Variants in PCSK2 observed in about 807,000 individuals in gnomAD.
PCSK2 encodes the protein proprotein convertase subtilisin/kexin type 2, also known as neuroendocrine convertase 2.
In PCSK2, 14 loss-of-function variants were observed where a neutral mutation model predicts 69.7. The ratio of observed to expected loss-of-function variants is 0.20; its 90% CI spans 0.13 to 0.31. The LOEUF (loss-of-function observed/expected upper bound fraction) is 0.31. PCSK2 is among the 10% of genes least tolerant of loss of function. The probability of loss-of-function intolerance (pLI) is 1.00; values close to 1 mark genes in which losing one functional copy is unlikely to be tolerated. For missense variants in PCSK2, 544 were observed against 842.5 expected (o/e 0.65, Z 4.39); for synonymous variants, 307 against 320.7 (o/e 0.96, Z 0.46).
chr20:17,361,090 A>G (rs1484155046), intron 4 of PCSK2, among the ~76,000 whole-genome samples: 1 of 152,172 alleles, frequency 6.6e-6, no homozygotes, highest in Non-Finnish European at 1.5e-5. Flanking sequence ...CCTCAATCAC[A>G]CTAGCCTCAA....
chr20:17,256,853 T>C (rs1010065924), intron 1 of PCSK2, among the ~76,000 whole-genome samples: 2 of 152,166 alleles, frequency 1.3e-5, no homozygotes, highest in Non-Finnish European at 2.9e-5. Flanking sequence ...CTCCCACTTA[T>C]GAGTAAAAAC....
At chr20:17,409,999 A>T (rs982284111) in intron 6 of PCSK2, among the ~76,000 whole-genome samples, 4 of 152,216 alleles carry the variant, frequency 2.6e-5, no homozygotes, top group Non-Finnish European at 5.9e-5. Flanking sequence ...GGTTTGCTCA[A>T]TGAAAGAATA....
intron 11 of PCSK2, among the ~76,000 whole-genome samples, chr20:17,469,584 G>A (rs2033165977): frequency 6.6e-6 from 1 of 152,050 alleles, no homozygotes; most frequent in South Asian, 2.1e-4. Flanking sequence ...ACAAAGGGCA[G>A]AGCAGGACTT....
intron 2 of PCSK2, among the ~76,000 whole-genome samples, chr20:17,264,908 G>T (rs1468986724): frequency 2.0e-5 from 3 of 151,852 alleles, no homozygotes; most frequent in African/African-American, 7.3e-5. Flanking sequence ...CTGTTGCCCA[G>T]GCTGGAGTGC....
At chr20:17,264,740 T>C (rs945600326) in intron 2 of PCSK2, among the ~76,000 whole-genome samples, 3 of 138,400 alleles carry the variant, frequency 2.2e-5, no homozygotes, top group Non-Finnish European at 5.0e-5. Flanking sequence ...GTGTGTATTG[T>C]GGCCAAACTC....
chr20:17,474,502 C>G (rs1260269388), intron 11 of PCSK2, among the ~76,000 whole-genome samples: 1 of 152,214 alleles, frequency 6.6e-6, no homozygotes, highest in African/African-American at 2.4e-5. Flanking sequence ...CAAATGCACA[C>G]CACTCACTCT....
At chr20:17,465,086 A>G (rs1211492636) in intron 10 of PCSK2, 2 of 552,022 alleles carry the variant, frequency 3.6e-6, no homozygotes, top group Non-Finnish European at 6.5e-6. Context: ...GTGTGTTAGA[A>G]TAGACTTTTG....
intron 1 of PCSK2, among the ~76,000 whole-genome samples, chr20:17,255,402 C>T (rs999185576): frequency 2.1e-4 from 32 of 151,296 alleles, no homozygotes; most frequent in Non-Finnish European, 2.8e-4. Context: ...AGTGCAATGG[C>T]GCAATCTCGG....
Position 17,302,538 on chromosome 20 carries a change from G to A in PCSK2, c.282+42194G>A, listed in dbSNP as rs555297434. Among the ~76,000 whole-genome samples, 32 of 152,180 alleles carry A rather than the reference G, an allele frequency of 2.1e-4. No homozygotes were observed. The South Asian group carries it at 4.8e-3, about 23-fold the overall frequency. On this transcript the variant is annotated intron_variant, in intron 2 of 11. Transcript: ENST00000262545. ...AACACTTTTGGAGCCCTTTATGTCC[G>A]AAAATGTTCTTCACATCATGTTCAC...
intron 1 of PCSK2, among the ~76,000 whole-genome samples, chr20:17,251,851 C>A (rs899142600): frequency 3.3e-5 from 5 of 152,158 alleles, no homozygotes; most frequent in Admixed American, 3.3e-4. Flanking sequence ...TAGAGGATGA[C>A]TGGTATGGCT....
intron 2 of PCSK2, among the ~76,000 whole-genome samples, chr20:17,357,220 T>C (rs1449144668): frequency 6.6e-6 from 1 of 152,172 alleles, no homozygotes; most frequent in African/African-American, 2.4e-5. Context: ...AGCTCCTAAA[T>C]TGCATTTACA....
intron 1 of PCSK2, among the ~76,000 whole-genome samples, chr20:17,245,210 T>C (rs1001086949): frequency 7.9e-5 from 12 of 152,196 alleles, no homozygotes; most frequent in Non-Finnish European, 1.2e-4. Context: ...AGTGGAAATA[T>C]GCTGAGATTC....
chr20:17,389,257 C>T (rs2031311946), intron 5 of PCSK2, among the ~76,000 whole-genome samples: 1 of 151,964 alleles, frequency 6.6e-6, no homozygotes, highest in Non-Finnish European at 1.5e-5. Flanking sequence ...TCAGGTTGGG[C>T]ACAGCACACC....
At chr20:17,360,090 T>C (rs1303319607) in intron 3 of PCSK2, among the ~76,000 whole-genome samples, 2 of 152,224 alleles carry the variant, frequency 1.3e-5, no homozygotes, top group African/African-American at 4.8e-5. Context: ...GCAAAAGATA[T>C]TGTTATTTAG....
At chr20:17,391,906 G>GAGGAAGGAAGGAAGGGAGGA (rs2031385099) in intron 5 of PCSK2, among the ~76,000 whole-genome samples, 4 of 99,966 alleles carry the variant, frequency 4.0e-5, no homozygotes, top group Non-Finnish European at 8.0e-5. Context: ...GAAAGAGAGA[G>GAGGAAGGAAGGAAGGGAGGA]AGGAAGGAAG....
upstream of PCSK2, chr20:17,226,274 G>A (rs1245782788): frequency 6.6e-6 from 1 of 152,246 alleles, no homozygotes. Flanking sequence ...GGCGAGCCGG[G>A]TCTCCTGCTG....
rs6131941 is a variant in PCSK2, at chr20:17,354,515, A to G, written c.283-3812A>G. Among the ~76,000 whole-genome samples the G allele has an allele frequency of 7.8e-4, 119 of 152,348 alleles. 3 individuals carry two copies. The East Asian group carries it at 0.018, about 23-fold the overall frequency. On this transcript the variant is annotated intron_variant, in intron 2 of 11. Coordinates refer to ENST00000262545, the MANE Select transcript of PCSK2 (RefSeq NM_002594.5). Reference sequence around the variant, plus strand: ...TCTGACATTAAGGGCTTTATCATACATGGAATTGTAACACTGCAGTCTTTC... The same window carrying G: ...TCTGACATTAAGGGCTTTATCATACGTGGAATTGTAACACTGCAGTCTTTC...
At chr20:17,468,751 A>G (rs548709698) in intron 11 of PCSK2, among the ~76,000 whole-genome samples, 1 of 151,390 alleles carries the variant, frequency 6.6e-6, no homozygotes, top group South Asian at 2.1e-4. Context: ...GCAGCCCACC[A>G]TAGGTCAGCA....
Position 17,424,770 on chromosome 20 carries a change from C to T in PCSK2, c.621-4665C>T, listed in dbSNP as rs552543051. Among the ~76,000 whole-genome samples the T allele has an allele frequency of 4.7e-5, 7 of 150,258 alleles. No homozygotes were observed. In the East Asian group the frequency reaches 1.2e-3, roughly 26 times the overall value. Reference sequence around the variant, plus strand: ...CCTCCCAAAGTGCTGGGATTACAGGCGTGAGCCACAGCGCCCAGCCTTTTA... The same window carrying T: ...CCTCCCAAAGTGCTGGGATTACAGGTGTGAGCCACAGCGCCCAGCCTTTTA... On this transcript the variant is annotated intron_variant, in intron 6 of 11. Coordinates refer to ENST00000262545, the MANE Select transcript of PCSK2 (RefSeq NM_002594.5).
Sources: gnomAD v4.1 joint callset for allele counts (sites outside exome capture counted in the v4.1 genomes callset) on GRCh38, gnomAD v4.1.1 for gene constraint, MANE v1.5 for transcripts, NCBI Gene and HGNC (gene_info 2026-07-23, HGNC 2026-07-21) for gene names.